The following CERS6 variants were observed in gnomAD, a reference collection of about 807,000 sequenced individuals.
CERS6 encodes the protein LAG1 homolog, ceramide synthase 6.
Under a neutral mutation model 56.8 loss-of-function variants are expected in CERS6, and 26 were observed. The ratio of observed to expected loss-of-function variants is 0.46; its 90% CI spans 0.34 to 0.63. The LOEUF is 0.63. Ranked by LOEUF, CERS6 falls within the 30% of genes least tolerant of loss-of-function variation. The pLI is 0.01. For synonymous variants in CERS6, 164 were observed against 173.3 expected, an observed-to-expected ratio of 0.95 and a Z score of 0.42; for missense variants, 415 against 467.5, an observed-to-expected ratio of 0.89 and a Z score of 1.04.
At chr2:168,621,781 A>C (rs1684476833) in intron 3 of CERS6, among the ~76,000 whole-genome samples, 1 of 152,226 alleles carries the variant, frequency 6.6e-6, no homozygotes, top group African/African-American at 2.4e-5. Flanking sequence ...AATAGAACAT[A>C]GTGGATTTAG....
At chr2:168,704,279 A>G (rs929333541) in intron 6 of CERS6, among the ~76,000 whole-genome samples, 51 of 152,052 alleles carry the variant, frequency 3.4e-4, no homozygotes, top group African/African-American at 1.2e-3. Flanking sequence ...CTGCAGCATT[A>G]CAGAGAGCCA....
intron 4 of CERS6, among the ~76,000 whole-genome samples, chr2:168,685,850 G>C (rs1686335152): frequency 6.6e-6 from 1 of 151,682 alleles, no homozygotes. Flanking sequence ...TGGGAGAAGA[G>C]GCACATAAGC....
chr2:168,757,580 G>T (rs578231828), intron 8 of CERS6, among the ~76,000 whole-genome samples: 5 of 152,238 alleles, frequency 3.3e-5, no homozygotes, highest in African/African-American at 1.2e-4. Context: ...TTCCTGTCCA[G>T]GGATAAAGAA....
rs150724635 is a variant in CERS6, at chr2:168,520,598, C to CTTT, written c.171-26971_171-26969dup. Among the ~76,000 whole-genome samples, 44 of 57,900 alleles carry CTTT rather than the reference C, an allele frequency of 7.6e-4. 5 individuals are homozygous for CTTT. Among genetic ancestry groups the CTTT allele is most frequent in the East Asian group, 2.2e-3 (3 of 1,344 alleles). 38.0% of individuals were successfully genotyped at this position (57,900 alleles called of 152,430 possible). On this transcript the variant is annotated intron_variant, in intron 1 of 9. Transcript: ENST00000305747. ...TTAACTCTTTAACATTTACAATATC[C>CTTT]TTTTTTTTTTTTTTTTTTTTTTTTT...
intron 9 of CERS6, among the ~76,000 whole-genome samples, chr2:168,767,038 T>G (rs1684747722): frequency 6.6e-6 from 1 of 152,258 alleles, no homozygotes; most frequent in Non-Finnish European, 1.5e-5. Context: ...TTAATCAACA[T>G]GCACAAAACT....
At chr2:168,567,610 G>A (rs1695906310) in intron 3 of CERS6, among the ~76,000 whole-genome samples, 2 of 152,180 alleles carry the variant, frequency 1.3e-5, no homozygotes, top group South Asian at 2.1e-4. Context: ...CAGATGGCAG[G>A]CTGGATTTGG....
At chr2:168,477,098 G>C (rs1178317989) in intron 1 of CERS6, among the ~76,000 whole-genome samples, 1 of 151,200 alleles carries the variant, frequency 6.6e-6, no homozygotes, top group African/African-American at 2.4e-5. Flanking sequence ...CCTCTTCCTG[G>C]TTTGCAGAGG....
intron 1 of CERS6, among the ~76,000 whole-genome samples, chr2:168,485,407 G>C (rs1203833797): frequency 6.6e-6 from 1 of 152,086 alleles, no homozygotes; most frequent in Admixed American, 6.5e-5. Context: ...CGTTCCATGA[G>C]TTTTGCAAAT....
At chr2:168,497,549 G>GGAGGT (rs1311943783) in intron 1 of CERS6, among the ~76,000 whole-genome samples, 3 of 152,200 alleles carry the variant, frequency 2.0e-5, no homozygotes, top group African/African-American at 7.2e-5. Flanking sequence ...GAGACCTGAA[G>GGAGGT]GAGGTGAGGG....
intron 4 of CERS6, among the ~76,000 whole-genome samples, chr2:168,654,489 G>A (rs1685421728): frequency 6.6e-6 from 1 of 152,136 alleles, no homozygotes; most frequent in Non-Finnish European, 1.5e-5. Flanking sequence ...GATGAAGTGA[G>A]CCAAGATCAC....
At chr2:168,547,519 G>C in intron 1 of CERS6, 77 bp from the exon 2 acceptor site, 1 of 740,386 alleles carries the variant, frequency 1.4e-6, no homozygotes. Flanking sequence ...ATTGAGTAAT[G>C]TGTAACTGGT....
intron 4 of CERS6, among the ~76,000 whole-genome samples, chr2:168,652,037 C>T (rs542543377): frequency 1.3e-3 from 200 of 151,372 alleles, no homozygotes; most frequent in African/African-American, 4.6e-3. Flanking sequence ...CCCCCACCCC[C>T]TTTTTTTTGG....
At chr2:168,584,511 A>C (rs1412603297) in intron 3 of CERS6, among the ~76,000 whole-genome samples, 2 of 152,214 alleles carry the variant, frequency 1.3e-5, no homozygotes. Flanking sequence ...TGTGGGTCTC[A>C]CTGAGACTAA....
intron 3 of CERS6, among the ~76,000 whole-genome samples, chr2:168,579,155 T>G (rs1683348505): frequency 6.6e-6 from 1 of 152,238 alleles, no homozygotes; most frequent in African/African-American, 2.4e-5. Context: ...TTCTGCCATC[T>G]TCTTATGATA....
intron 1 of CERS6, among the ~76,000 whole-genome samples, chr2:168,461,587 T>C (rs1020622039): frequency 2.0e-5 from 3 of 152,140 alleles, no homozygotes; most frequent in African/African-American, 7.2e-5. Context: ...CAGAACTTAG[T>C]ACAGTTTTCT....
At chr2:168,572,131 T>G (rs1696000886) in intron 3 of CERS6, among the ~76,000 whole-genome samples, 1 of 152,186 alleles carries the variant, frequency 6.6e-6, no homozygotes, top group African/African-American at 2.4e-5. Context: ...TTGGCCATAT[T>G]CCTTAATTCT....
At chr2:168,737,279 CT>C in intron 8 of CERS6, among the ~76,000 whole-genome samples, 1 of 152,304 alleles carries the variant, frequency 6.6e-6, no homozygotes, top group South Asian at 2.1e-4. Context: ...AATTAAGTGC[CT>C]CCCAGGAGAG....
rs575437613 is a variant in CERS6, at chr2:168,488,098, G to T, written c.170+31480G>T. ...GTGTATATAGGAATTTAGCACCTTT[G>T]TCAAACATGCAGTGTTTTAGATCTA... is the stretch of plus-strand genomic sequence containing the variant. On this transcript the variant is annotated intron_variant, in intron 1 of 9. Coordinates refer to ENST00000305747, the MANE Select transcript of CERS6 (RefSeq NM_203463.3). 2.0e-5 allele frequency among the ~76,000 whole-genome samples: 3 copies of T among 152,208 alleles called. No individual in the cohort carries two copies. The South Asian group carries it at 6.2e-4, about 31-fold the overall frequency.
At chr2:168,717,355 G>C (rs1344838534) in intron 7 of CERS6, among the ~76,000 whole-genome samples, 2 of 152,006 alleles carry the variant, frequency 1.3e-5, no homozygotes, top group Admixed American at 6.5e-5. Flanking sequence ...TACTCCTTGT[G>C]CCTGTTTAAA....
Sources: gnomAD v4.1 joint callset for allele counts (sites outside exome capture counted in the v4.1 genomes callset) on GRCh38, gnomAD v4.1.1 for gene constraint, MANE v1.5 for transcripts, NCBI Gene and HGNC (gene_info 2026-07-23, HGNC 2026-07-21) for gene names.